The following CNPY3 variants were observed in gnomAD, a reference collection of about 807,000 sequenced individuals.
The protein encoded by CNPY3 is protein canopy homolog 3.
In CNPY3, 20 loss-of-function variants were observed where a neutral mutation model predicts 32.0. The ratio of observed to expected loss-of-function variants is 0.63; its 90% CI spans 0.44 to 0.91. The LOEUF (loss-of-function observed/expected upper bound fraction) is 0.91. Among genes scored for constraint, CNPY3 ranks in the 40% least tolerant of loss-of-function variants. The pLI, the probability that CNPY3 is intolerant of heterozygous loss-of-function variation, is 0.00. For missense variants in CNPY3, 299 were observed against 340.8 expected, an observed-to-expected ratio of 0.88 and a Z score of 0.97; for synonymous variants, 138 against 142.9, an observed-to-expected ratio of 0.97 and a Z score of 0.24.
At chr6:42,931,044 C>T (rs1365028507) in intron 1 of CNPY3, among the ~76,000 whole-genome samples, 1 of 151,940 alleles carries the variant, frequency 6.6e-6, no homozygotes, top group African/African-American at 2.4e-5. Flanking sequence ...CGCATGCCAC[C>T]ATGCCCAGCT....
chr6:42,933,578 T>C (rs550159344), intron 1 of CNPY3, among the ~76,000 whole-genome samples: 3 of 152,282 alleles, frequency 2.0e-5, no homozygotes, highest in African/African-American at 4.8e-5. Context: ...TTAAGGAAAT[T>C]TGAATATGGA....
At chr6:42,930,427 TGGATCTGA>T in intron 1 of CNPY3, among the ~76,000 whole-genome samples, 1 of 152,150 alleles carries the variant, frequency 6.6e-6, no homozygotes, top group Non-Finnish European at 1.5e-5. Flanking sequence ...GAGGAGGATC[TGGATCTGA>T]GGAGCCCTTT....
At chr6:42,938,485 C>G in intron 5 of CNPY3, 83 bp from the exon 6 acceptor site, 1 of 1,328,732 alleles carries the variant, frequency 7.5e-7, no homozygotes, top group Non-Finnish European at 1.0e-6. Flanking sequence ...TTGCTACTCC[C>G]ACGGCTCCCT....
intron 1 of CNPY3, among the ~76,000 whole-genome samples, chr6:42,932,494 G>T (rs150485839): frequency 6.6e-6 from 1 of 152,178 alleles, no homozygotes; most frequent in Non-Finnish European, 1.5e-5. Flanking sequence ...GGTGGGATCC[G>T]CAGAGGAGGT....
upstream of CNPY3, chr6:42,929,475 C>A (rs1767587846): frequency 3.1e-6 from 4 of 1,295,320 alleles, no homozygotes; most frequent in Admixed American, 2.8e-5. Flanking sequence ...CTCGGAGGCA[C>A]GTGTGCAGTC....
chr6:42,934,195 G>T (rs1330097486), intron 1 of CNPY3, among the ~76,000 whole-genome samples: 1 of 152,056 alleles, frequency 6.6e-6, no homozygotes, highest in Non-Finnish European at 1.5e-5. Context: ...TTAAGGGCAG[G>T]ATTTACAGTA....
At chr6:42,931,132 C>T (rs1233581915) in intron 1 of CNPY3, among the ~76,000 whole-genome samples, 1 of 152,062 alleles carries the variant, frequency 6.6e-6, no homozygotes, top group African/African-American at 2.4e-5. Flanking sequence ...TCAAGTGATC[C>T]ACCTGCCTTG....
At chr6:42,932,431 T>A (rs1458616521) in intron 1 of CNPY3, among the ~76,000 whole-genome samples, 1 of 152,036 alleles carries the variant, frequency 6.6e-6, no homozygotes, top group Non-Finnish European at 1.5e-5. Context: ...AGTGGGTGGA[T>A]GTCAGTGAGG....
upstream of CNPY3, chr6:42,929,419 G>A: frequency 2.4e-6 from 2 of 821,560 alleles, no homozygotes; most frequent in African/African-American, 3.5e-5. Context: ...GGCGGGCTGC[G>A]GCTGCGAGAG....
chr6:42,937,353 AG>A (rs1768305683), intron 3 of CNPY3, among the ~76,000 whole-genome samples: 1 of 152,060 alleles, frequency 6.6e-6, no homozygotes, highest in Non-Finnish European at 1.5e-5. Context: ...CTGTAATCTC[AG>A]CACTTTGGGA....
At chr6:42,931,719 T>C (rs1432245750) in intron 1 of CNPY3, among the ~76,000 whole-genome samples, 1 of 151,634 alleles carries the variant, frequency 6.6e-6, no homozygotes, top group South Asian at 2.1e-4. Context: ...TCTGTCTTAT[T>C]ATTATTATTA....
chr6:42,929,536 C>T lies in CNPY3; in HGVS notation c.-35C>T, dbSNP rs750934992. The stretch of plus-strand genomic sequence containing the variant: ...CCGCGCGCGCCGCGGGAGGAGGAAC[C>T]GCCCGGTCCTTTAGGGTCCGGGCCC... On this transcript the variant is annotated 5_prime_UTR_variant, in exon 1 of 6. Coordinates refer to ENST00000372836, the MANE Select transcript of CNPY3 (RefSeq NM_006586.5). 2.1e-5 allele frequency: 32 copies of T among 1,525,632 alleles called. No individual in the cohort carries two copies. The highest frequency in any genetic ancestry group is 2.2e-5 in the Non-Finnish European group (25 of 1,133,334). 94.5% of individuals were successfully genotyped at this position (1,525,632 alleles called of 1,614,324 possible).
chr6:42,929,632 TGCTGCTGCTGCTGCC>T lies in CNPY3; in HGVS notation c.64_78del (p.Leu22_Pro26del). ...CTGCTTCTTCCCTTGCTGCTGCTGC[TGCTGCTGCTGCTGCC>T]GGCCCCGGAGCTGGGCCCGAGCCAG... On this transcript the variant is annotated inframe_deletion, in exon 1 of 6. Transcript: ENST00000372836. 2.6e-6 allele frequency: 4 copies of T among 1,555,598 alleles called. No homozygotes were observed. The highest frequency in any genetic ancestry group is 3.5e-6 in the Non-Finnish European group (4 of 1,150,876).
At chr6:42,932,831 A>G (rs932198068) in intron 1 of CNPY3, among the ~76,000 whole-genome samples, 2 of 152,008 alleles carry the variant, frequency 1.3e-5, no homozygotes, top group Non-Finnish European at 2.9e-5. Flanking sequence ...CCTCCAGGGG[A>G]TGTATTTATT....
chr6:42,930,821 G>T (rs1019165040), intron 1 of CNPY3, among the ~76,000 whole-genome samples: 2 of 152,060 alleles, frequency 1.3e-5, no homozygotes, highest in Non-Finnish European at 2.9e-5. Flanking sequence ...TTAGAGATAA[G>T]CCGACTTCAC....
chr6:42,930,293 A>G (rs1053649872), intron 1 of CNPY3, among the ~76,000 whole-genome samples: 1 of 152,148 alleles, frequency 6.6e-6, no homozygotes, highest in African/African-American at 2.4e-5. Context: ...TGTTGCACCC[A>G]CTAACAACTC....
Position 42,938,973 on chromosome 6 carries a change from G to A in CNPY3, c.*182G>A, listed in dbSNP as rs187663310. The A allele has an allele frequency of 2.7e-5, 38 of 1,383,320 alleles. No homozygotes were observed. In the African/African-American group the frequency reaches 4.5e-4, roughly 16 times the overall value. The allele number at this position is 1,383,320 out of a possible 1,614,324, so 85.7% of individuals were successfully genotyped here. ...CTCAGAGCCGTCATGGGTAGCCCAC[G>A]CCGTCCTTTCCCCTCCCCAAGTGTT... On this transcript the variant is annotated 3_prime_UTR_variant, in exon 6 of 6. Transcript: ENST00000372836.
rs1562542273 is a variant in CNPY3, at chr6:42,934,650, AG to A, written c.275+56del. The A allele has an allele frequency of 5.0e-6, 8 of 1,606,088 alleles. No individual in the cohort carries two copies. The Admixed American group carries it at 5.0e-5, about 10-fold the overall frequency. ...GGCCTGCGTTGCTGCTGGAGGCTTC[AG>A]GGGTTTGGAGTTCCCTTCTCCTAGC... On this transcript the variant is annotated intron_variant, in intron 2 of 5. Coordinates refer to ENST00000372836, the MANE Select transcript of CNPY3 (RefSeq NM_006586.5).
intron 1 of CNPY3, 53 bp downstream of exon 1, chr6:42,929,774 G>A: frequency 6.6e-7 from 1 of 1,508,554 alleles, no homozygotes; most frequent in Non-Finnish European, 8.9e-7. Context: ...TGGCTCCAGC[G>A]GTGGTGCTTG....
Sources: gnomAD v4.1 joint callset for allele counts (sites outside exome capture counted in the v4.1 genomes callset) on GRCh38, gnomAD v4.1.1 for gene constraint, MANE v1.5 for transcripts, NCBI Gene and HGNC (gene_info 2026-07-23, HGNC 2026-07-21) for gene names.